The following DPH6 variants were observed in gnomAD, a reference collection of about 807,000 sequenced individuals.
DPH6 encodes the protein diphthamine biosynthesis 6, also known as diphthine--ammonia ligase.
A neutral mutation model predicts 38.2 loss-of-function variants in DPH6; 33 were observed. The observed-to-expected ratio is 0.86, with a 90% CI of 0.65 to 1.15. The LOEUF is 1.15. Ranked by LOEUF, DPH6 falls within the 50% of genes most tolerant of loss-of-function variation. The pLI is 0.00. For synonymous variants in DPH6, 108 were observed against 103.0 expected, an observed-to-expected ratio of 1.05 and a Z score of -0.30; for missense variants, 325 against 320.0, an observed-to-expected ratio of 1.02 and a Z score of -0.12.
At chr15:35,299,270 C>T in intron 3 of DPH6, 1 of 1,077,126 alleles carries the variant, frequency 9.3e-7, no homozygotes, top group South Asian at 1.2e-5. Flanking sequence ...GAGGAGCCAC[C>T]TCGTTGTAGG....
chr15:35,211,877 C>G, the DPH6 span, among the ~76,000 whole-genome samples: 1 of 152,118 alleles, frequency 6.6e-6, no homozygotes, highest in East Asian at 1.9e-4. Flanking sequence ...TTAAATGTTC[C>G]AGGGATTACC....
Position 35,239,114 on chromosome 15 carries a change from G to A in DPH6, n.201-18532C>T, listed in dbSNP as rs904372288. Among the ~76,000 whole-genome samples the A allele has an allele frequency of 6.3e-5, 9 of 143,882 alleles. 2 individuals are homozygous for A. Among genetic ancestry groups the A allele is most frequent in the Non-Finnish European group, 1.4e-4 (9 of 65,488 alleles). 94.4% of individuals were successfully genotyped at this position (143,882 alleles called of 152,430 possible). On this transcript the variant is annotated intron_variant and non_coding_transcript_variant, in intron 3 of 3. Coordinates refer to the DPH6 transcript ENST00000560386. The stretch of plus-strand genomic sequence containing the variant: ...ACCTCCCTTGGGAGATCAATCCCCC[G>A]TCCTCCTGCTCTTTGCTCCGTGAGA...
chr15:35,155,886 T>C, the DPH6 span, among the ~76,000 whole-genome samples: 1 of 152,196 alleles, frequency 6.6e-6, no homozygotes, highest in African/African-American at 2.4e-5. Flanking sequence ...GTTTATATTT[T>C]CTAGGCATAG....
rs768243811 is a variant in DPH6, at chr15:35,234,205, C to G, written n.201-13623G>C. On this transcript the variant is annotated intron_variant and non_coding_transcript_variant, in intron 3 of 3. Coordinates refer to the DPH6 transcript ENST00000560386. ...TTCTTCTGGCTTGCCCCAGATTGAGCCTGTAGCAAATTCCTGAGACATCTA... is the reference window on the plus strand; with the variant it reads ...TTCTTCTGGCTTGCCCCAGATTGAGGCTGTAGCAAATTCCTGAGACATCTA... Among the ~76,000 whole-genome samples, 29 of 152,294 alleles carry G rather than the reference C, an allele frequency of 1.9e-4. No individual in the cohort carries two copies. The Middle Eastern group carries it at 0.01, about 54-fold the overall frequency.
intron 3 of DPH6, among the ~76,000 whole-genome samples, chr15:35,266,083 T>G (rs1007891230): frequency 1.3e-5 from 2 of 152,184 alleles, no homozygotes; most frequent in African/African-American, 2.4e-5. Context: ...TAAAAACATA[T>G]AGGCCAAAAG....
chr15:35,233,966 T>C (rs1216260341), intron 3 of DPH6, among the ~76,000 whole-genome samples: 1 of 152,226 alleles, frequency 6.6e-6, no homozygotes, highest in African/African-American at 2.4e-5. Context: ...ATAGTATTTA[T>C]CACTCTCAAA....
At chr15:35,407,743 A>C (rs1445960291) in intron 6 of DPH6, among the ~76,000 whole-genome samples, 1 of 151,912 alleles carries the variant, frequency 6.6e-6, no homozygotes, top group Non-Finnish European at 1.5e-5. Context: ...GGGAGAATAA[A>C]GTGTGTTTAA....
intron 3 of DPH6, chr15:35,298,299 C>T: frequency 1.7e-6 from 1 of 588,580 alleles, no homozygotes; most frequent in South Asian, 1.4e-5. Context: ...ATTGTAGAAA[C>T]ATGCATTTGC....
intron 3 of DPH6, among the ~76,000 whole-genome samples, chr15:35,524,271 T>C (rs1290467019): frequency 6.6e-6 from 1 of 152,158 alleles, no homozygotes; most frequent in East Asian, 1.9e-4. Context: ...TTTCTCTATA[T>C]ATCTTGTCTT....
At chr15:35,163,334 T>C in the DPH6 span, among the ~76,000 whole-genome samples, 4 of 152,032 alleles carry the variant, frequency 2.6e-5, no homozygotes, top group South Asian at 8.3e-4. Flanking sequence ...AACACTGATA[T>C]TGACCGAAGT....
chr15:35,500,331 T>C (rs886874965), intron 3 of DPH6, among the ~76,000 whole-genome samples: 2 of 152,158 alleles, frequency 1.3e-5, no homozygotes, highest in Non-Finnish European at 2.9e-5. Context: ...TTGATGACTA[T>C]ACTCTCGCCT....
intron 3 of DPH6, among the ~76,000 whole-genome samples, chr15:35,492,080 A>G (rs978954029): frequency 1.3e-5 from 2 of 152,136 alleles, no homozygotes; most frequent in Non-Finnish European, 2.9e-5. Context: ...CCAGAGAGCC[A>G]GTGGTGTAGA....
downstream of DPH6, among the ~76,000 whole-genome samples, chr15:35,368,276 AG>A (rs1275602944): frequency 2.0e-5 from 3 of 151,860 alleles, no homozygotes; most frequent in African/African-American, 7.2e-5. Flanking sequence ...AACGAAGGAG[AG>A]AAGCAGGAGG....
chr15:35,257,772 TTGTGTG>T (rs60955022), intron 3 of DPH6, among the ~76,000 whole-genome samples: 8 of 148,656 alleles, frequency 5.4e-5, no homozygotes, highest in African/African-American at 1.2e-4. Context: ...GGTCTCAGCT[TTGTGTG>T]TGTGTGTGTG....
chr15:35,347,453 C>T (rs978756964), intron 3 of DPH6, among the ~76,000 whole-genome samples: 9 of 150,468 alleles, frequency 6.0e-5, no homozygotes, highest in Non-Finnish European at 7.4e-5. Flanking sequence ...CACCCAGCCT[C>T]CTCCTTTTTT....
chr15:35,149,734 C>T, the DPH6 span, among the ~76,000 whole-genome samples: 6 of 152,346 alleles, frequency 3.9e-5, no homozygotes, highest in Admixed American at 2.0e-4. Flanking sequence ...TTTGACACAA[C>T]TGACCATTCA....
At chr15:35,508,479 T>A (rs2141210964) in intron 3 of DPH6, among the ~76,000 whole-genome samples, 1 of 152,310 alleles carries the variant, frequency 6.6e-6, no homozygotes, top group Non-Finnish European at 1.5e-5. Context: ...CTACTTCATC[T>A]ATTCAAAAAA....
chr15:35,479,811 T>C (rs1358302293), intron 3 of DPH6, among the ~76,000 whole-genome samples: 7 of 152,058 alleles, frequency 4.6e-5, no homozygotes, highest in African/African-American at 1.4e-4. Flanking sequence ...TAACAGATTA[T>C]TTAAATAAAA....
intron 3 of DPH6, among the ~76,000 whole-genome samples, chr15:35,471,505 C>A (rs202119224): frequency 6.6e-6 from 1 of 152,180 alleles, no homozygotes; most frequent in African/African-American, 2.4e-5. Context: ...TCCCTCCACA[C>A]CTCCCTACCT....
Sources: gnomAD v4.1 joint callset for allele counts (sites outside exome capture counted in the v4.1 genomes callset) on GRCh38, gnomAD v4.1.1 for gene constraint, MANE v1.5 for transcripts, NCBI Gene and HGNC (gene_info 2026-07-23, HGNC 2026-07-21) for gene names.